Variants in COL28A1 observed in about 807,000 individuals in gnomAD.
The protein encoded by COL28A1 is collagen alpha-1(XXVIII) chain.
A neutral mutation model predicts 150.2 loss-of-function variants in COL28A1; 161 were observed. The ratio of observed to expected loss-of-function variants is 1.07; its 90% CI spans 0.94 to 1.22. The LOEUF is 1.22. COL28A1 is among the 50% of genes most tolerant of loss of function. The pLI, the probability that COL28A1 is intolerant of heterozygous loss-of-function variation, is 0.00. For synonymous variants in COL28A1, 552 were observed against 469.7 expected (o/e 1.18, Z -2.26); for missense variants, 1,617 against 1,388.3 (o/e 1.16, Z -2.62).
chr7:7,359,892 A>G (rs1468523868), intron 34 of COL28A1, among the ~76,000 whole-genome samples: 1 of 152,162 alleles, frequency 6.6e-6, no homozygotes, highest in Non-Finnish European at 1.5e-5. Context: ...TGAGCACAAA[A>G]ATTGTCTCTC....
At chr7:7,383,553 A>G (rs538218325) in intron 27 of COL28A1, among the ~76,000 whole-genome samples, 2 of 151,962 alleles carry the variant, frequency 1.3e-5, no homozygotes, top group East Asian at 3.9e-4. Context: ...TGCTGGGATT[A>G]CAGGCATGAG....
chr7:7,358,634 C>T lies in COL28A1; in HGVS notation c.3377G>A (p.Ter1126=), dbSNP rs1451636140. 2 of 1,613,450 alleles carry T rather than the reference C, an allele frequency of 1.2e-6. No homozygotes were observed. The highest frequency in any genetic ancestry group is 2.7e-5 in the African/African-American group (2 of 74,858). Residue 1126 remains the stop codon, a stop_retained_variant, in exon 35 of 35, where the codon TGA becomes TAA. Coordinates refer to ENST00000399429, the MANE Select transcript of COL28A1 (RefSeq NM_001037763.3). ...ATAGAGACAGGCCAATTTACTTGCT[C>T]ATCCTTGAATGCAGGTTTCTTGACA... The part of the protein sequence containing the change: ...KECQETCIQG[*]
rs1258998187 is a variant in COL28A1, at chr7:7,400,355, T to C, written c.2136+17504A>G. Among the ~76,000 whole-genome samples the C allele has an allele frequency of 3.3e-5, 5 of 151,584 alleles. No individual in the cohort carries two copies. In the East Asian group the frequency reaches 5.8e-4, roughly 18 times the overall value. Reference sequence around the variant, plus strand: ...GAGAAGAAGGCCAAGCAATAGAAAATAGGGTGAAGCAGAGTCAGACAGAAA... The same window carrying C: ...GAGAAGAAGGCCAAGCAATAGAAAACAGGGTGAAGCAGAGTCAGACAGAAA... On this transcript the variant is annotated intron_variant, in intron 27 of 34. Transcript: ENST00000399429.
chr7:7,343,439 T>C, the COL28A1 span, among the ~76,000 whole-genome samples: 3,170 of 152,166 alleles, frequency 0.021, 138 homozygotes, highest in African/African-American at 0.073. Flanking sequence ...AGACAAGGTC[T>C]TCTGAATGAT....
In COL28A1 at chr7:7,531,720, T is replaced by C. The variant is rs769983885; in HGVS notation, c.309A>G (p.Gln103=). The C allele has an allele frequency of 3.7e-6, 6 of 1,606,322 alleles. No individual in the cohort carries two copies. The highest frequency in any genetic ancestry group is 5.1e-6 in the Non-Finnish European group (6 of 1,172,854). The part of the protein sequence containing the change: ...LAALQFSSSV[Q]IDPPFSSWKD... ...TCCAGGAAGAAAAAGGTGGATCAAT[T>C]TGGACAGAGCTGCTAAACTGAAGGG... Residue 103 remains glutamine (Q), a synonymous_variant, in exon 3 of 35, where the codon CAA becomes CAG. Transcript: ENST00000399429.
intron 25 of COL28A1, among the ~76,000 whole-genome samples, chr7:7,424,864 CAA>C (rs1784571987): frequency 6.6e-6 from 1 of 152,110 alleles, no homozygotes; most frequent in African/African-American, 2.4e-5. Context: ...ATGAACTTAA[CAA>C]ATGATTCAGT....
Position 7,511,743 on chromosome 7 carries a change from A to T in COL28A1, c.883-608T>A, listed in dbSNP as rs1167654279. On this transcript the variant is annotated intron_variant, in intron 8 of 34. Coordinates refer to ENST00000399429, the MANE Select transcript of COL28A1 (RefSeq NM_001037763.3). ...TGAGTTAGTGGGAACAGGTGCCATG[A>T]TGAGTTAGCGAGGACTGCTGTAGGA... 4 of 470,996 alleles carry T rather than the reference A, an allele frequency of 8.5e-6. No homozygotes were observed. The East Asian group carries it at 2.8e-4, about 33-fold the overall frequency. The allele number at this position is 470,996 out of a possible 1,614,324, so 29.2% of individuals were successfully genotyped here. A position where few individuals can be genotyped will look rare whatever the true frequency, so the allele number is the denominator to read the frequency against.
the COL28A1 span, among the ~76,000 whole-genome samples, chr7:7,345,017 C>G: frequency 2.0e-5 from 3 of 151,880 alleles, no homozygotes; most frequent in Non-Finnish European, 4.4e-5. Flanking sequence ...TACACACACA[C>G]ACACACCCCT....
chr7:7,358,830 T>C (rs1780472154), intron 34 of COL28A1, 25 bp from the exon 35 acceptor site: 3 of 1,582,566 alleles, frequency 1.9e-6, no homozygotes, highest in Non-Finnish European at 2.6e-6. Flanking sequence ...GGAAAATGTG[T>C]CACGGATTTT....
In COL28A1 at chr7:7,532,763, C is replaced by T. The variant is rs773383232; in HGVS notation, c.113G>A (p.Ser38Asn). The change falls in exon 2 of 35, where the codon AGT becomes AAT. Residue 38 changes from serine (S) to asparagine (N), a missense_variant. By Grantham distance (46) the Ser-to-Asn change is conservative. Transcript: ENST00000399429. ...GPKSNLLARK[S>N]DVQGSICFID... is the part of the protein sequence containing the mutation. ...TTTTTTTTTTTTACCCTGGACATCACTTTTCCTTGCAAGCAAATTTGATTT... is the reference window on the plus strand; with the variant it reads ...TTTTTTTTTTTTACCCTGGACATCATTTTTCCTTGCAAGCAAATTTGATTT... 1.4e-5 allele frequency: 23 copies of T among 1,607,962 alleles called. No individual in the cohort carries two copies. The highest frequency in any genetic ancestry group is 2.7e-5 in the African/African-American group (2 of 74,370).
At position 7,436,337 on chromosome 7, in the gene COL28A1, A is replaced by G. The variant is rs1471420017; in HGVS notation, c.1860+58T>C. On this transcript the variant is annotated intron_variant, in intron 23 of 34. Coordinates refer to ENST00000399429, the MANE Select transcript of COL28A1 (RefSeq NM_001037763.3). ...AGTAGAAAAATCAACTTATGCATTA[A>G]ATCTACCTTCATTTATTTCAGATAC... 9 of 894,030 alleles carry G rather than the reference A, an allele frequency of 1.0e-5. 1 individual carries two copies. In the East Asian group the frequency reaches 2.2e-4, roughly 21 times the overall value. The allele number at this position is 894,030 out of a possible 1,614,324, so 55.4% of individuals were successfully genotyped here.
chr7:7,486,708 T>G (rs530631324), intron 13 of COL28A1, among the ~76,000 whole-genome samples: 36 of 152,346 alleles, frequency 2.4e-4, no homozygotes, highest in Middle Eastern at 3.4e-3. Context: ...CATGTGATCT[T>G]TCTTCTTTAG....
At chr7:7,341,776 T>C in the COL28A1 span, among the ~76,000 whole-genome samples, 13 of 152,178 alleles carry the variant, frequency 8.5e-5, no homozygotes, top group Admixed American at 5.2e-4. Context: ...TTTTTGTTGA[T>C]TTCTAGTTTA....
Position 7,375,475 on chromosome 7 carries a change from A to G in COL28A1, c.2345T>C (p.Ile782Thr), listed in dbSNP as rs1781492563. 3.8e-6 allele frequency: 6 copies of G among 1,568,116 alleles called. No homozygotes were observed. Among genetic ancestry groups the G allele is most frequent in the Non-Finnish European group, 3.5e-6 (4 of 1,145,724 alleles). ...TCAAATCTTACCACATATTTCTGTAATAAGTTTGATAATTTCTTCTTTCTA... is the reference window on the plus strand; with the variant it reads ...TCAAATCTTACCACATATTTCTGTAGTAAGTTTGATAATTTCTTCTTTCTA... Reference protein sequence around the residue: ...GLTKEEIIKLITEICGCGPKC... With the variant: ...GLTKEEIIKLTTEICGCGPKC... The change falls in exon 31 of 35, where the codon ATT becomes ACT. Residue 782 changes from isoleucine (I) to threonine (T), a missense_variant. Transcript: ENST00000399429.
chr7:7,493,782 A>G (rs1490219380), intron 11 of COL28A1, among the ~76,000 whole-genome samples: 1 of 152,126 alleles, frequency 6.6e-6, no homozygotes, highest in African/African-American at 2.4e-5. Context: ...CACTCTAGTC[A>G]GAATAGCCCT....
intron 7 of COL28A1, 151 bp from the exon 8 acceptor site, chr7:7,515,991 C>G (rs1437554889): frequency 7.3e-6 from 4 of 548,036 alleles, no homozygotes; most frequent in Non-Finnish European, 1.3e-5. Context: ...TTCCACTTCT[C>G]TTTGTGCTTG....
chr7:7,417,731 A>G (rs1304808573), intron 27 of COL28A1, 128 bp downstream of exon 27: 1 of 751,876 alleles, frequency 1.3e-6, no homozygotes, highest in Non-Finnish European at 2.3e-6. Context: ...TAAACACTGG[A>G]TGCCATTTAA....
In COL28A1 at chr7:7,358,480, A is replaced by T; in HGVS notation, c.*153T>A. ...CTTACCTATATAAGTGGTTAATAATATGTACATCCTAGGGCTGTAGTGAGA... is the reference window on the plus strand; with the variant it reads ...CTTACCTATATAAGTGGTTAATAATTTGTACATCCTAGGGCTGTAGTGAGA... On this transcript the variant is annotated 3_prime_UTR_variant, in exon 35 of 35. Transcript: ENST00000399429. 1 of 662,832 alleles carries T rather than the reference A, an allele frequency of 1.5e-6. No homozygotes were observed. The highest frequency in any genetic ancestry group is 2.5e-6 in the Non-Finnish European group (1 of 403,826). 41.1% of individuals were successfully genotyped at this position (662,832 alleles called of 1,614,324 possible). A position where few individuals can be genotyped will look rare whatever the true frequency, so the allele number is the denominator to read the frequency against.
chr7:7,355,859 T>C (rs1006971058), downstream of COL28A1, among the ~76,000 whole-genome samples: 9 of 152,116 alleles, frequency 5.9e-5, no homozygotes, highest in Non-Finnish European at 1.0e-4. Flanking sequence ...AAAACACTGA[T>C]GTGTGTGTAC....
Sources: gnomAD v4.1 joint callset for allele counts (sites outside exome capture counted in the v4.1 genomes callset) on GRCh38, gnomAD v4.1.1 for gene constraint, MANE v1.5 for transcripts, NCBI Gene and HGNC (gene_info 2026-07-23, HGNC 2026-07-21) for gene names.